The following SLC13A1 variants were observed in gnomAD, a reference collection of about 807,000 sequenced individuals.
SLC13A1 encodes solute carrier family 13 member 1.
A neutral mutation model predicts 70.0 loss-of-function variants in SLC13A1; 65 were observed. The ratio of observed to expected loss-of-function variants is 0.93; its 90% CI spans 0.76 to 1.14. The LOEUF (loss-of-function observed/expected upper bound fraction) is 1.14. SLC13A1 is among the 50% of genes most tolerant of loss of function. The pLI, the probability that SLC13A1 is intolerant of heterozygous loss-of-function variation, is 0.00. For synonymous variants in SLC13A1, 275 were observed against 250.5 expected (o/e 1.10, Z -0.92); for missense variants, 726 against 717.8 (o/e 1.01, Z -0.13).
In SLC13A1 at chr7:123,115,443, T is replaced by C. The variant is rs1396170273; in HGVS notation, c.*75A>G. ...GATTTAAATGTGTGTCATTAGTTATTTAGAGCCACATTTTACAGTCAATCA... is the reference window on the plus strand; with the variant it reads ...GATTTAAATGTGTGTCATTAGTTATCTAGAGCCACATTTTACAGTCAATCA... On this transcript the variant is annotated 3_prime_UTR_variant, in exon 15 of 15. Coordinates refer to ENST00000194130, the MANE Select transcript of SLC13A1 (RefSeq NM_022444.4). 5.4e-6 allele frequency: 8 copies of C among 1,469,700 alleles called. No individual in the cohort carries two copies. The highest frequency in any genetic ancestry group is 7.5e-6 in the Non-Finnish European group (8 of 1,065,946). 91.0% of individuals were successfully genotyped at this position (1,469,700 alleles called of 1,614,324 possible). A position where few individuals can be genotyped will look rare whatever the true frequency, so the allele number is the denominator to read the frequency against.
At chr7:123,163,047 T>A (rs760233496) in intron 6 of SLC13A1, among the ~76,000 whole-genome samples, 1 of 152,064 alleles carries the variant, frequency 6.6e-6, no homozygotes, top group East Asian at 1.9e-4. Context: ...CTGGGCTGTC[T>A]CTTTGAGTGA....
At chr7:123,151,922 G>T (rs970508387) in intron 6 of SLC13A1, among the ~76,000 whole-genome samples, 1 of 151,862 alleles carries the variant, frequency 6.6e-6, no homozygotes, top group Non-Finnish European at 1.5e-5. Flanking sequence ...ATTATCTCTG[G>T]CCTAGGTTAA....
chr7:123,153,930 A>G (rs1456022574), intron 6 of SLC13A1, among the ~76,000 whole-genome samples: 1 of 152,126 alleles, frequency 6.6e-6, no homozygotes, highest in Non-Finnish European at 1.5e-5. Flanking sequence ...TTTCTTAATC[A>G]TGAGCTTAGT....
chr7:123,142,039 T>C (rs1585320147), intron 7 of SLC13A1, among the ~76,000 whole-genome samples: 1 of 152,174 alleles, frequency 6.6e-6, no homozygotes, highest in Admixed American at 6.5e-5. Flanking sequence ...AGGAAGCTTT[T>C]AGTGAAGGTG....
At chr7:123,163,711 G>A (rs1331514143) in intron 6 of SLC13A1, among the ~76,000 whole-genome samples, 1 of 151,918 alleles carries the variant, frequency 6.6e-6, no homozygotes, top group Non-Finnish European at 1.5e-5. Flanking sequence ...TTATCAGTTT[G>A]ATTCTTTGCT....
At chr7:123,161,633 TAGAA>T (rs913422625) in intron 6 of SLC13A1, among the ~76,000 whole-genome samples, 1 of 152,144 alleles carries the variant, frequency 6.6e-6, no homozygotes, top group Non-Finnish European at 1.5e-5. Flanking sequence ...AGAGAAGAGA[TAGAA>T]AGAGTCAGGG....
intron 6 of SLC13A1, among the ~76,000 whole-genome samples, chr7:123,159,509 A>G (rs1794816045): frequency 6.6e-6 from 1 of 152,212 alleles, no homozygotes; most frequent in Admixed American, 6.5e-5. Flanking sequence ...TTGATCTTGT[A>G]CTTGGCTAGC....
chr7:123,143,204 T>C (rs1794222530), intron 7 of SLC13A1, among the ~76,000 whole-genome samples: 1 of 152,124 alleles, frequency 6.6e-6, no homozygotes, highest in African/African-American at 2.4e-5. Context: ...TGAAGAGGGA[T>C]ATGAGGACTC....
chr7:123,125,827 T>C, intron 10 of SLC13A1, 152 bp from the exon 11 acceptor site: 2 of 611,510 alleles, frequency 3.3e-6, no homozygotes, highest in Non-Finnish European at 5.8e-6. Context: ...CTAAAATATA[T>C]GGATTCCCGA....
At chr7:123,146,838 T>C (rs556866649) in intron 7 of SLC13A1, among the ~76,000 whole-genome samples, 12 of 145,630 alleles carry the variant, frequency 8.2e-5, no homozygotes, top group Non-Finnish European at 1.8e-4. Flanking sequence ...AGAAAATAAT[T>C]CCTTTTCACT....
In SLC13A1 at chr7:123,173,026, C is replaced by G. The variant is rs1283391276; in HGVS notation, c.229-1122G>C. ...TTCATGAGAGTGGTATTCAAGATAA[C>G]TTACTTTAAGAAGCACTTGGCTAAA... On this transcript the variant is annotated intron_variant, in intron 2 of 14. Coordinates refer to ENST00000194130, the MANE Select transcript of SLC13A1 (RefSeq NM_022444.4). Among the ~76,000 whole-genome samples the G allele has an allele frequency of 4.6e-5, 7 of 151,958 alleles. No individual in the cohort carries two copies. The East Asian group carries it at 1.3e-3, about 29-fold the overall frequency.
At chr7:123,125,127 T>C (rs1563318728) in intron 11 of SLC13A1, among the ~76,000 whole-genome samples, 3 of 152,170 alleles carry the variant, frequency 2.0e-5, no homozygotes. Context: ...GTGAGGTTTA[T>C]TTAGCTTTTG....
At chr7:123,179,111 A>G (rs557978696) in intron 2 of SLC13A1, among the ~76,000 whole-genome samples, 7 of 152,160 alleles carry the variant, frequency 4.6e-5, no homozygotes, top group Admixed American at 4.6e-4. Flanking sequence ...GGAAACCACT[A>G]AGGCTCAAGG....
At chr7:123,145,338 G>C (rs181011186) in intron 7 of SLC13A1, among the ~76,000 whole-genome samples, 1 of 152,116 alleles carries the variant, frequency 6.6e-6, no homozygotes, top group Non-Finnish European at 1.5e-5. Context: ...AAACTCTGCC[G>C]TGTCAAAATT....
chr7:123,147,609 G>C (rs1054233059), intron 6 of SLC13A1, among the ~76,000 whole-genome samples: 1 of 152,046 alleles, frequency 6.6e-6, no homozygotes, highest in Non-Finnish European at 1.5e-5. Context: ...AATGCCAGGA[G>C]AGAGCCCTCA....
chr7:123,168,224 A>G (rs914666856), intron 6 of SLC13A1, 150 bp downstream of exon 6: 9 of 533,166 alleles, frequency 1.7e-5, no homozygotes, highest in Non-Finnish European at 3.0e-5. Flanking sequence ...ATGAAAGTTT[A>G]TCAAACCATT....
chr7:123,189,975 T>C (rs550942031), intron 1 of SLC13A1, among the ~76,000 whole-genome samples: 33 of 152,176 alleles, frequency 2.2e-4, no homozygotes, highest in Non-Finnish European at 4.3e-4. Context: ...TGAATATGAC[T>C]TCTTTTCTAG....
chr7:123,187,771 T>C (rs998565099), intron 1 of SLC13A1, among the ~76,000 whole-genome samples: 1 of 152,260 alleles, frequency 6.6e-6, no homozygotes, highest in Admixed American at 6.5e-5. Context: ...TTCATTTTAA[T>C]AGATGTAGTA....
At chr7:123,151,722 G>A (rs1426915667) in intron 6 of SLC13A1, among the ~76,000 whole-genome samples, 1 of 152,082 alleles carries the variant, frequency 6.6e-6, no homozygotes, top group Non-Finnish European at 1.5e-5. Context: ...ACAGACTTGG[G>A]TTTTGAAACC....
Sources: gnomAD v4.1 joint callset for allele counts (sites outside exome capture counted in the v4.1 genomes callset) on GRCh38, gnomAD v4.1.1 for gene constraint, MANE v1.5 for transcripts, NCBI Gene and HGNC (gene_info 2026-07-23, HGNC 2026-07-21) for gene names.